The following PAN3 variants were observed in gnomAD, a reference collection of about 807,000 sequenced individuals.
The protein encoded by PAN3 is PAN2-PAN3 deadenylation complex subunit PAN3.
PAN3 carries 19 observed loss-of-function variants against 96.2 expected under a neutral mutation model. The observed-to-expected ratio is 0.20, with a 90% CI of 0.14 to 0.29. PAN3 has a LOEUF of 0.29. PAN3 is among the 10% of genes least tolerant of loss of function. The probability of loss-of-function intolerance (pLI) is 1.00; values close to 1 mark genes in which losing one functional copy is unlikely to be tolerated. For missense variants in PAN3, 882 were observed against 1,108.1 expected (o/e 0.80, Z 2.90); for synonymous variants, 433 against 406.6 (o/e 1.06, Z -0.78).
intron 5 of PAN3, among the ~76,000 whole-genome samples, chr13:28,208,933 A>G (rs547358539): frequency 3.0e-4 from 46 of 152,300 alleles, no homozygotes; most frequent in African/African-American, 1.1e-3. Context: ...TGTAAAAATT[A>G]TACAGTGGTC....
At chr13:28,214,019 G>A (rs1880414453) in intron 5 of PAN3, among the ~76,000 whole-genome samples, 1 of 152,064 alleles carries the variant, frequency 6.6e-6, no homozygotes, top group East Asian at 1.9e-4. Flanking sequence ...AGTATCGCTT[G>A]AGTGGCTGTA....
chr13:28,291,521 G>C (rs577523368), intron 18 of PAN3, among the ~76,000 whole-genome samples: 1 of 152,226 alleles, frequency 6.6e-6, no homozygotes, highest in East Asian at 1.9e-4. Context: ...TGGGGTTGCT[G>C]GAAAAGTATT....
chr13:28,245,068 T>G (rs1328994364), intron 6 of PAN3, among the ~76,000 whole-genome samples: 1 of 152,070 alleles, frequency 6.6e-6, no homozygotes, highest in Non-Finnish European at 1.5e-5. Flanking sequence ...AGACTAGTCT[T>G]GAACTCCTGA....
At position 28,143,959 on chromosome 13, in the gene PAN3, C is replaced by T. The variant is rs192216954; in HGVS notation, c.430+4872C>T. Among the ~76,000 whole-genome samples, 617 of 152,110 alleles carry T rather than the reference C, an allele frequency of 4.1e-3. 8 individuals are homozygous for T. The highest frequency in any genetic ancestry group is 0.014 in the African/African-American group (588 of 41,486). On this transcript the variant is annotated intron_variant, in intron 1 of 18. Transcript: ENST00000380958. Reference sequence around the variant, plus strand: ...TAAGTGACAGAGAAGTGAGTACTGGCGATTTGCTGTTAGGATAGCTGGCAT... The same window carrying T: ...TAAGTGACAGAGAAGTGAGTACTGGTGATTTGCTGTTAGGATAGCTGGCAT...
At chr13:28,146,774 C>T (rs1042187242) in intron 1 of PAN3, among the ~76,000 whole-genome samples, 1 of 152,184 alleles carries the variant, frequency 6.6e-6, no homozygotes, top group African/African-American at 2.4e-5. Context: ...TCAAGAGATA[C>T]AGACCATCCT....
Position 28,270,708 on chromosome 13 carries a change from C to T in PAN3, c.1800C>T (p.His600=), listed in dbSNP as rs755076767. Residue 600 remains histidine (H), a synonymous_variant, in exon 13 of 19, where the codon CAC becomes CAT. Transcript: ENST00000380958. The part of the protein sequence containing the change: ...AYFTKRKWGQ[H]EGPLPRQHAG... ...GATTTCTTTGCTGTATAGGTCAGCA[C>T]GAGGGACCATTGCCCAGGCAGCATG... 24 of 1,613,746 alleles carry T rather than the reference C, an allele frequency of 1.5e-5. No individual in the cohort carries two copies. Among genetic ancestry groups the T allele is most frequent in the Non-Finnish European group, 1.7e-5 (20 of 1,179,772 alleles).
At position 28,193,254 on chromosome 13, in the gene PAN3, A is replaced by T. The variant is rs190911063; in HGVS notation, c.691-3931A>T. On this transcript the variant is annotated intron_variant, in intron 4 of 18. Coordinates refer to ENST00000380958, the MANE Select transcript of PAN3 (RefSeq NM_175854.8). ...ATTAGAGTTTAATCTCTGGCTATTTATTGAAAAAATTTAGGGTTTATAATG... is the reference window on the plus strand; with the variant it reads ...ATTAGAGTTTAATCTCTGGCTATTTTTTGAAAAAATTTAGGGTTTATAATG... Among the ~76,000 whole-genome samples the T allele has an allele frequency of 2.5e-3, 377 of 152,286 alleles. 2 individuals are homozygous for T. The highest frequency in any genetic ancestry group is 8.5e-3 in the African/African-American group (355 of 41,554).
intron 6 of PAN3, among the ~76,000 whole-genome samples, chr13:28,221,212 G>A (rs1189286864): frequency 6.6e-6 from 1 of 151,968 alleles, no homozygotes; most frequent in East Asian, 1.9e-4. Flanking sequence ...AAAGTAAGGT[G>A]GTATGCACAA....
At chr13:28,185,880 C>A (rs974552533) in intron 4 of PAN3, among the ~76,000 whole-genome samples, 82 of 152,192 alleles carry the variant, frequency 5.4e-4, no homozygotes, top group African/African-American at 2.0e-3. Context: ...ATTCTATTTG[C>A]GAAGTGTAGT....
chr13:28,262,422 G>A (rs9554299), intron 9 of PAN3, among the ~76,000 whole-genome samples: 17,090 of 152,094 alleles, frequency 0.11, 1,108 homozygotes, highest in East Asian at 0.33. Context: ...ATTCAGCATC[G>A]TCTAGTGAGT....
At chr13:28,185,464 CTTTAT>C (rs1876334387) in intron 4 of PAN3, among the ~76,000 whole-genome samples, 1 of 152,226 alleles carries the variant, frequency 6.6e-6, no homozygotes, top group African/African-American at 2.4e-5. Context: ...ACTTCCTGTA[CTTTAT>C]TTTAATTGGC....
intron 1 of PAN3, 141 bp from the exon 2 acceptor site, chr13:28,174,131 G>T (rs1465949042): frequency 1.2e-6 from 1 of 827,860 alleles, no homozygotes; most frequent in African/African-American, 1.7e-5. Context: ...AATTTTATTT[G>T]ATCTTACCTG....
chr13:28,179,055 A>T lies in PAN3; in HGVS notation c.690+1120A>T, dbSNP rs551780986. On this transcript the variant is annotated intron_variant, in intron 4 of 18. Transcript: ENST00000380958. ...CCTAATGTTATTTCCATTTTGAGAC[A>T]TGGATGAGAATAAGAAGGTAATTAC... Among the ~76,000 whole-genome samples, 112 of 152,364 alleles carry T rather than the reference A, an allele frequency of 7.4e-4. 1 individual carries two copies. The highest frequency in any genetic ancestry group is 1.3e-3 in the Admixed American group (20 of 15,308).
chr13:28,253,357 A>G (rs528298691), intron 6 of PAN3, among the ~76,000 whole-genome samples: 3 of 152,180 alleles, frequency 2.0e-5, no homozygotes, highest in Non-Finnish European at 2.9e-5. Flanking sequence ...TATTGTCTTC[A>G]TAATACTAAA....
At chr13:28,174,925 G>A (rs574586521) in intron 2 of PAN3, among the ~76,000 whole-genome samples, 2 of 152,160 alleles carry the variant, frequency 1.3e-5, no homozygotes, top group East Asian at 1.9e-4. Context: ...ATAGTACTTG[G>A]AGCATTTTAC....
chr13:28,270,376 G>A (rs1398482268), intron 12 of PAN3, among the ~76,000 whole-genome samples: 3 of 152,020 alleles, frequency 2.0e-5, no homozygotes, highest in Non-Finnish European at 4.4e-5. Flanking sequence ...AAACCTCTAC[G>A]GTTTCTGTTT....
At chr13:28,158,370 C>A (rs1872489557) in intron 1 of PAN3, among the ~76,000 whole-genome samples, 1 of 152,100 alleles carries the variant, frequency 6.6e-6, no homozygotes, top group Non-Finnish European at 1.5e-5. Flanking sequence ...AGAGCTTCTG[C>A]ACAGCAAAAG....
intron 6 of PAN3, among the ~76,000 whole-genome samples, chr13:28,251,901 G>GGT (rs1273402922): frequency 1.8e-5 from 2 of 113,374 alleles, no homozygotes. Context: ...TGTTTGTTTG[G>GGT]TTTTGAGACA....
In PAN3 at chr13:28,277,393, G is replaced by A; in HGVS notation, c.2189+17G>A. The stretch of plus-strand genomic sequence containing the variant: ...TCTGATTTTGTAAGTTTTAATATAT[G>A]ATAAATTGTACAGAATGATTATTTG... On this transcript the variant is annotated intron_variant, in intron 15 of 18. Coordinates refer to ENST00000380958, the MANE Select transcript of PAN3 (RefSeq NM_175854.8). 6.2e-7 allele frequency: 1 copy of A among 1,601,772 alleles called. No homozygotes were observed. The highest frequency in any genetic ancestry group is 2.2e-5 in the East Asian group (1 of 44,706).
Sources: allele counts gnomAD v4.1 joint callset (sites outside exome capture counted in the v4.1 genomes callset), GRCh38; gene constraint gnomAD v4.1.1; transcripts MANE v1.5; gene names NCBI Gene and HGNC (gene_info 2026-07-23, HGNC 2026-07-21).